Variants in FARP2 observed in about 807,000 individuals in gnomAD.
FARP2 encodes the protein FERM, ARH/RhoGEF and pleckstrin domain protein 2.
Under a neutral mutation model 130.5 loss-of-function variants are expected in FARP2, and 111 were observed. The observed-to-expected ratio is 0.85, with a 90% CI of 0.73 to 1.00. The LOEUF (loss-of-function observed/expected upper bound fraction) is 1.00. Among genes scored for constraint, FARP2 ranks in the 50% least tolerant of loss-of-function variants. FARP2 has a pLI of 0.00. For missense variants in FARP2, 1,385 were observed against 1,346.3 expected, an observed-to-expected ratio of 1.03 and a Z score of -0.45; for synonymous variants, 504 against 516.9, an observed-to-expected ratio of 0.98 and a Z score of 0.34.
chr2:241,396,325 T>C (rs533681707), intron 2 of FARP2, among the ~76,000 whole-genome samples: 201 of 152,164 alleles, frequency 1.3e-3, no homozygotes, highest in Non-Finnish European at 2.5e-3. Context: ...AAAGCCAAAA[T>C]TGACAAATGG....
intron 2 of FARP2, among the ~76,000 whole-genome samples, chr2:241,393,019 T>G (rs2061945266): frequency 6.6e-6 from 1 of 151,896 alleles, no homozygotes; most frequent in African/African-American, 2.4e-5. Context: ...GATGGTTCTT[T>G]TTTTTCTCTC....
chr2:241,441,784 G>C, intron 13 of FARP2: 1 of 634,536 alleles, frequency 1.6e-6, no homozygotes, highest in East Asian at 2.8e-5. Flanking sequence ...ATTGACAAAT[G>C]CCCAGCTGCA....
intron 14 of FARP2, among the ~76,000 whole-genome samples, chr2:241,457,246 CTT>C (rs1380913207): frequency 5.3e-5 from 8 of 152,230 alleles, no homozygotes; most frequent in Admixed American, 2.0e-4. Context: ...CTCTTCCTTC[CTT>C]CCTTCCCACC....
intron 17 of FARP2, among the ~76,000 whole-genome samples, chr2:241,467,350 A>G: frequency 6.6e-6 from 1 of 151,910 alleles, no homozygotes; most frequent in Non-Finnish European, 1.5e-5. Flanking sequence ...TGTGTTGTAA[A>G]ATCATCAGAT....
At chr2:241,384,070 AG>A (rs763431644) in intron 2 of FARP2, among the ~76,000 whole-genome samples, 32 of 149,704 alleles carry the variant, frequency 2.1e-4, no homozygotes, top group Admixed American at 9.3e-4. Context: ...CAAGTGTCAG[AG>A]ATATTCTGAC....
intron 2 of FARP2, among the ~76,000 whole-genome samples, chr2:241,379,500 T>G (rs2150311023): frequency 6.6e-6 from 1 of 152,336 alleles, no homozygotes; most frequent in Non-Finnish European, 1.5e-5. Context: ...TTTTCTTTCT[T>G]TTTTTCTTTA....
intron 16 of FARP2, 119 bp from the exon 17 acceptor site, chr2:241,463,780 C>G: frequency 1.1e-6 from 1 of 911,002 alleles, no homozygotes; most frequent in Non-Finnish European, 1.7e-6. Flanking sequence ...CCTCTTCCAC[C>G]TCAGAGCTTC....
chr2:241,446,063 A>C (rs974541662), intron 13 of FARP2: 9 of 152,198 alleles, frequency 5.9e-5, no homozygotes, highest in African/African-American at 2.2e-4. Context: ...CTGTTTTTGT[A>C]TTTAAGTTTC....
chr2:241,359,870 G>T (rs1009075379), intron 1 of FARP2, among the ~76,000 whole-genome samples: 5 of 152,176 alleles, frequency 3.3e-5, no homozygotes, highest in Admixed American at 3.3e-4. Flanking sequence ...TTATTGTGAG[G>T]ATTAAATGAG....
chr2:241,466,578 C>G, intron 17 of FARP2: 1 of 985,344 alleles, frequency 1.0e-6, no homozygotes, highest in Non-Finnish European at 1.2e-6. Flanking sequence ...AGAAGCCTAG[C>G]GAGTGTGGAT....
chr2:241,373,903 T>C (rs2061478348), intron 2 of FARP2, among the ~76,000 whole-genome samples: 1 of 152,218 alleles, frequency 6.6e-6, no homozygotes, highest in Non-Finnish European at 1.5e-5. Context: ...AATATATGCA[T>C]ATATCAATAT....
chr2:241,493,003 C>CA lies in FARP2; in HGVS notation c.2864dup (p.Asn955LysfsTer13), dbSNP rs780886972. The CA allele has an allele frequency of 4.4e-6, 7 of 1,608,790 alleles. No individual in the cohort carries two copies. The highest frequency in any genetic ancestry group is 1.7e-5 in the Admixed American group (1 of 60,000). ...GGCAGAAGCTCTGGGTCGTCTTTAC[C>CA]AACTTCTGTTTGTTCTTCTACAAAA... On this transcript the variant is annotated frameshift_variant, in exon 25 of 27. Coordinates refer to ENST00000264042, the MANE Select transcript of FARP2 (RefSeq NM_014808.4). LOFTEE classifies it high-confidence loss of function.
Position 241,493,030 on chromosome 2 carries a change from T to C in FARP2, c.2889T>C (p.Thr963=), listed in dbSNP as rs772918875. ...FTNFCLFFYK[T]HQDDYPLASL... ...ACTTCTGTTTGTTCTTCTACAAAAC[T>C]CATCAGGTACTGGAGTTTCACTGGA... is the stretch of plus-strand genomic sequence containing the variant. Residue 963 remains threonine, a synonymous_variant, in exon 25 of 27, where the codon ACT becomes ACC. Coordinates refer to ENST00000264042, the MANE Select transcript of FARP2 (RefSeq NM_014808.4). 1.9e-6 allele frequency: 3 copies of C among 1,575,418 alleles called. No homozygotes were observed. The highest frequency in any genetic ancestry group is 1.1e-5 in the South Asian group (1 of 90,306).
Position 241,456,785 on chromosome 2 carries a change from C to A in FARP2, c.1450C>A (p.Arg484=), listed in dbSNP as rs189584342. 1 of 1,614,170 alleles carries A rather than the reference C, an allele frequency of 6.2e-7. No individual in the cohort carries two copies. Among genetic ancestry groups the A allele is most frequent in the Non-Finnish European group, 8.5e-7 (1 of 1,180,020 alleles). The part of the protein sequence containing the change: ...TKSPQPSPSS[R]KSPLSLSPAF... ...GAGTCCTCAGCCTTCTCCCTCCAGC[C>A]GGAAGAGCCCCCTGAGTCTGAGCCC... Residue 484 remains arginine, a synonymous_variant, in exon 14 of 27, where the codon CGG becomes AGG. Transcript: ENST00000264042.
At chr2:241,402,854 A>C (rs866428594) in intron 2 of FARP2, among the ~76,000 whole-genome samples, 1 of 6,554 alleles carries the variant, frequency 1.5e-4, no homozygotes, top group African/African-American at 6.0e-4. Flanking sequence ...ATATATATAT[A>C]TATATATATA....
intron 13 of FARP2, among the ~76,000 whole-genome samples, chr2:241,455,170 G>A (rs2063796918): frequency 6.6e-6 from 1 of 152,204 alleles, no homozygotes; most frequent in Non-Finnish European, 1.5e-5. Context: ...GCATCTGAAG[G>A]TGCCAACAGT....
intron 13 of FARP2, among the ~76,000 whole-genome samples, chr2:241,453,768 GGTTTTTTTTTT>G (rs2063752482): frequency 1.0e-5 from 1 of 99,896 alleles, no homozygotes; most frequent in Non-Finnish European, 1.9e-5. Flanking sequence ...GGCACTTACT[GGTTTTTTTTTT>G]TTTTTTTTTT....
rs772078527 is a variant in FARP2, at chr2:241,493,015, G to GTTCT, written c.2876_2879dup (p.Tyr961LeufsTer8). On this transcript the variant is annotated frameshift_variant, in exon 25 of 27. Coordinates refer to ENST00000264042, the MANE Select transcript of FARP2 (RefSeq NM_014808.4). LOFTEE classifies it high-confidence loss of function. ...GGGTCGTCTTTACCAACTTCTGTTT[G>GTTCT]TTCTTCTACAAAACTCATCAGGTAC... 34 of 1,604,568 alleles carry GTTCT rather than the reference G, an allele frequency of 2.1e-5. No individual in the cohort carries two copies. Among genetic ancestry groups the GTTCT allele is most frequent in the Admixed American group, 8.3e-5 (5 of 59,994 alleles).
rs189146303 is a variant in FARP2 at position 241,385,669 on chromosome 2, G to A, written c.183+12379G>A. On this transcript the variant is annotated intron_variant, in intron 2 of 26. Coordinates refer to ENST00000264042, the MANE Select transcript of FARP2 (RefSeq NM_014808.4). ...CTAGTGGTGGAAGTTGCAGTGAGCC[G>A]TGATTGCACCACTGCACTCCAGCCT... 3.2e-3 allele frequency among the ~76,000 whole-genome samples: 482 copies of A among 152,106 alleles called. 16 individuals are homozygous for A. Among genetic ancestry groups the A allele is most frequent in the Non-Finnish European group, 3.8e-4 (26 of 68,004 alleles).
Sources: allele counts gnomAD v4.1 joint callset (sites outside exome capture counted in the v4.1 genomes callset), GRCh38; gene constraint gnomAD v4.1.1; transcripts MANE v1.5; gene names NCBI Gene and HGNC (gene_info 2026-07-23, HGNC 2026-07-21).